PLCB4: variants seen among roughly 807,000 people sequenced by gnomAD.
The protein encoded by PLCB4 is phospholipase C beta 4.
In PLCB4, 77 loss-of-function variants were observed where a neutral mutation model predicts 178.8. The ratio of observed to expected loss-of-function variants is 0.43; its 90% CI spans 0.36 to 0.52. The LOEUF is 0.52. PLCB4 is among the 20% of genes least tolerant of loss of function. The probability of loss-of-function intolerance (pLI) is 0.00; values close to 1 mark genes in which losing one functional copy is unlikely to be tolerated. For missense variants in PLCB4, 1,024 were observed against 1,453.4 expected (o/e 0.70, Z 4.80); for synonymous variants, 496 against 490.8 (o/e 1.01, Z -0.14).
chr20:9,462,482 A>T (rs1053235580), intron 35 of PLCB4, among the ~76,000 whole-genome samples: 3 of 152,194 alleles, frequency 2.0e-5, no homozygotes, highest in African/African-American at 7.2e-5. Context: ...CTAAAGGAGC[A>T]TGTTCAAACC....
At chr20:9,450,648 CTTTTCTTTTCTTTTTTTTT>C (rs2042699359) in intron 32 of PLCB4, among the ~76,000 whole-genome samples, 1 of 127,082 alleles carries the variant, frequency 7.9e-6, no homozygotes, top group African/African-American at 2.8e-5. Context: ...GTTTTCTTTT[CTTTTCTTTTCTTTTTTTTT>C]TTTTTTTTTT....
chr20:9,408,737 G>C lies in PLCB4; in HGVS notation c.1874+20G>C, dbSNP rs539328336. On this transcript the variant is annotated intron_variant, in intron 23 of 39. Transcript: ENST00000378473. The stretch of plus-strand genomic sequence containing the variant: ...TGTCAAGTATCCTTATGTATCAAGT[G>C]GAATGAGTGGTTGACTCACGTTGGT... The C allele has an allele frequency of 2.9e-5, 38 of 1,307,860 alleles. No homozygotes were observed. The South Asian group carries it at 4.5e-4, about 16-fold the overall frequency. The allele number at this position is 1,307,860 out of a possible 1,614,324, so 81.0% of individuals were successfully genotyped here.
chr20:9,457,585 C>T, intron 34 of PLCB4, 96 bp downstream of exon 34: 1 of 739,128 alleles, frequency 1.4e-6, no homozygotes, highest in Non-Finnish European at 2.5e-6. Context: ...TAACAGTAGC[C>T]CAGAGCTGGT....
intron 1 of PLCB4, among the ~76,000 whole-genome samples, chr20:9,089,634 T>C (rs2090588110): frequency 6.6e-6 from 1 of 152,268 alleles, no homozygotes; most frequent in East Asian, 1.9e-4. Flanking sequence ...ATGTAGGAAG[T>C]GGTTCTAAGA....
In PLCB4 at chr20:9,394,984, C is replaced by G. The variant is rs148440071; in HGVS notation, c.1415-539C>G. The stretch of plus-strand genomic sequence containing the variant: ...GCATATTACTATTTGTGGTTTGTCC[C>G]TATGTGTTTTCCCATTTTTATTATT... On this transcript the variant is annotated intron_variant, in intron 18 of 39. Transcript: ENST00000378473. Among the ~76,000 whole-genome samples, 48 of 152,216 alleles carry G rather than the reference C, an allele frequency of 3.2e-4. No homozygotes were observed. The East Asian group carries it at 5.2e-3, about 17-fold the overall frequency.
At chr20:9,349,053 T>TAA (rs763846898) in intron 7 of PLCB4, among the ~76,000 whole-genome samples, 5 of 134,360 alleles carry the variant, frequency 3.7e-5, no homozygotes, top group African/African-American at 8.3e-5. Context: ...TACAGGATAG[T>TAA]AAAAAAAAAA....
chr20:9,229,579 C>T (rs961489825), intron 3 of PLCB4, among the ~76,000 whole-genome samples: 2 of 151,924 alleles, frequency 1.3e-5, no homozygotes, highest in Non-Finnish European at 2.9e-5. Context: ...GAAGTTTTAC[C>T]TCTTTATTTT....
At chr20:9,139,048 G>A (rs1021855383) in intron 2 of PLCB4, among the ~76,000 whole-genome samples, 8 of 152,216 alleles carry the variant, frequency 5.3e-5, no homozygotes, top group Middle Eastern at 3.4e-3. Context: ...GAAGTACAGG[G>A]AGAGGAACAA....
At chr20:9,105,996 C>T (rs1328079054) in intron 2 of PLCB4, among the ~76,000 whole-genome samples, 1 of 151,910 alleles carries the variant, frequency 6.6e-6, no homozygotes, top group Non-Finnish European at 1.5e-5. Context: ...TGTCAGCAAC[C>T]ATCTCAACTT....
At chr20:9,175,919 G>A (rs920240645) in intron 2 of PLCB4, among the ~76,000 whole-genome samples, 27 of 152,212 alleles carry the variant, frequency 1.8e-4, no homozygotes, top group Non-Finnish European at 3.1e-4. Context: ...ATTTTGCATT[G>A]CGTGAGTCTT....
chr20:9,436,482 G>T (rs1370151731), intron 29 of PLCB4, among the ~76,000 whole-genome samples: 3 of 152,162 alleles, frequency 2.0e-5, no homozygotes, highest in African/African-American at 7.2e-5. Flanking sequence ...CTCCTCAGCA[G>T]TTGGGACTAC....
intron 21 of PLCB4, among the ~76,000 whole-genome samples, chr20:9,405,663 A>G (rs2039384212): frequency 6.6e-6 from 1 of 152,238 alleles, no homozygotes; most frequent in African/African-American, 2.4e-5. Flanking sequence ...AGTTCCCACT[A>G]CATTGACATT....
chr20:9,236,175 T>C (rs2093990793), intron 3 of PLCB4, among the ~76,000 whole-genome samples: 1 of 152,166 alleles, frequency 6.6e-6, no homozygotes, highest in South Asian at 2.1e-4. Flanking sequence ...TTGATGTTTG[T>C]ACAGGAAAAT....
chr20:9,108,850 T>C (rs2091466952), intron 2 of PLCB4, among the ~76,000 whole-genome samples: 1 of 148,310 alleles, frequency 6.7e-6, no homozygotes, highest in South Asian at 2.1e-4. Flanking sequence ...GCAAAGCCAA[T>C]TGCAGGAGAG....
chr20:9,201,471 T>C (rs2093545025), intron 2 of PLCB4, among the ~76,000 whole-genome samples: 1 of 152,202 alleles, frequency 6.6e-6, no homozygotes, highest in Non-Finnish European at 1.5e-5. Flanking sequence ...TAGGCACATA[T>C]ATGCAACCTT....
intron 1 of PLCB4, among the ~76,000 whole-genome samples, chr20:9,087,094 T>C (rs1236491599): frequency 6.6e-6 from 1 of 152,210 alleles, no homozygotes; most frequent in Non-Finnish European, 1.5e-5. Flanking sequence ...AGAGAGCATA[T>C]AGTTGATTCT....
intron 7 of PLCB4, among the ~76,000 whole-genome samples, chr20:9,346,668 A>T (rs11905721): frequency 0.059 from 8,943 of 152,244 alleles, 638 homozygotes; most frequent in East Asian, 0.18. Flanking sequence ...TTGGAAACAA[A>T]TCAATGAGGG....
At chr20:9,186,414 G>T (rs767607888) in intron 2 of PLCB4, among the ~76,000 whole-genome samples, 1 of 152,082 alleles carries the variant, frequency 6.6e-6, no homozygotes, top group Admixed American at 6.5e-5. Flanking sequence ...TAATTGGCAC[G>T]AGGCTCTTTT....
chr20:9,243,028 C>G (rs2147427139), intron 3 of PLCB4, among the ~76,000 whole-genome samples: 1 of 152,212 alleles, frequency 6.6e-6, no homozygotes, highest in South Asian at 2.1e-4. Flanking sequence ...AGATCATCAA[C>G]AAGTAAATTT....
Sources: gnomAD v4.1 joint callset for allele counts (sites outside exome capture counted in the v4.1 genomes callset) on GRCh38, gnomAD v4.1.1 for gene constraint, MANE v1.5 for transcripts, NCBI Gene and HGNC (gene_info 2026-07-23, HGNC 2026-07-21) for gene names.